Variants in TMEM74 observed in about 807,000 individuals in gnomAD.
TMEM74 encodes transmembrane protein 74.
A neutral mutation model predicts 18.1 loss-of-function variants in TMEM74; 13 were observed. The observed-to-expected ratio is 0.72, with a 90% CI of 0.47 to 1.14. The LOEUF is 1.14. Ranked by LOEUF, TMEM74 falls within the 50% of genes most tolerant of loss-of-function variation. The pLI is 0.00. For missense variants in TMEM74, 372 were observed against 375.9 expected, an observed-to-expected ratio of 0.99 and a Z score of 0.09; for synonymous variants, 159 against 146.6, an observed-to-expected ratio of 1.08 and a Z score of -0.61.
chr8:108,722,742 A>AT (rs72170216), intron 1 of TMEM74, among the ~76,000 whole-genome samples: 3,361 of 150,286 alleles, frequency 0.022, 133 homozygotes, highest in African/African-American at 0.077. Flanking sequence ...ACTAAGCTGT[A>AT]TTTTTTTTTT....
intron 1 of TMEM74, among the ~76,000 whole-genome samples, chr8:108,769,846 C>G (rs1255363674): frequency 6.6e-6 from 1 of 151,900 alleles, no homozygotes; most frequent in Non-Finnish European, 1.5e-5. Flanking sequence ...GTGTGAATTC[C>G]TTTCTGAGTT....
chr8:108,771,664 G>A (rs1171200156), intron 1 of TMEM74, among the ~76,000 whole-genome samples: 1 of 152,154 alleles, frequency 6.6e-6, no homozygotes, highest in Admixed American at 6.5e-5. Flanking sequence ...TATGTTTAGT[G>A]GTTGTACAGC....
downstream of TMEM74, among the ~76,000 whole-genome samples, chr8:108,776,869 T>C (rs1205969500): frequency 1.3e-5 from 2 of 152,078 alleles, no homozygotes; most frequent in East Asian, 3.9e-4. Context: ...AAAAATATTA[T>C]GTTTTATCAT....
intron 1 of TMEM74, among the ~76,000 whole-genome samples, chr8:108,772,057 C>A (rs1450909000): frequency 6.6e-6 from 1 of 151,722 alleles, no homozygotes; most frequent in Non-Finnish European, 1.5e-5. Context: ...TTTTTGATTC[C>A]TGGTTAGAGT....
At chr8:108,771,884 T>C (rs530104789) in intron 1 of TMEM74, among the ~76,000 whole-genome samples, 4 of 152,290 alleles carry the variant, frequency 2.6e-5, no homozygotes, top group East Asian at 1.9e-4. Flanking sequence ...TGTTAAGTTA[T>C]GTTCCAGTAA....
At chr8:108,709,464 G>T (rs886105085) in intron 1 of TMEM74, among the ~76,000 whole-genome samples, 1 of 152,120 alleles carries the variant, frequency 6.6e-6, no homozygotes, top group Non-Finnish European at 1.5e-5. Context: ...CTTACATGAG[G>T]TATCTAATAT....
intron 2 of TMEM74, among the ~76,000 whole-genome samples, chr8:108,621,446 C>T (rs560039829): frequency 3.3e-5 from 5 of 152,292 alleles, no homozygotes; most frequent in Admixed American, 6.5e-5. Context: ...TGAAAACGCC[C>T]TCGGGCAAGG....
At chr8:108,632,336 A>G (rs760071716) in intron 2 of TMEM74, among the ~76,000 whole-genome samples, 17 of 152,004 alleles carry the variant, frequency 1.1e-4, no homozygotes, top group Non-Finnish European at 2.4e-4. Flanking sequence ...AAAATTTGCT[A>G]AGTGGATAGC....
intron 1 of TMEM74, among the ~76,000 whole-genome samples, chr8:108,749,989 G>C (rs1813888538): frequency 6.6e-6 from 1 of 152,082 alleles, no homozygotes; most frequent in Non-Finnish European, 1.5e-5. Context: ...TTTCCAGCCT[G>C]TGCCACACCT....
At chr8:108,769,710 G>A (rs1814150033) in intron 1 of TMEM74, among the ~76,000 whole-genome samples, 1 of 151,944 alleles carries the variant, frequency 6.6e-6, no homozygotes, top group Admixed American at 6.6e-5. Context: ...CCTAGCCTGG[G>A]CTTCTCTCTC....
At chr8:108,617,532 A>G (rs1007041530) in intron 2 of TMEM74, among the ~76,000 whole-genome samples, 5 of 152,082 alleles carry the variant, frequency 3.3e-5, no homozygotes, top group African/African-American at 1.2e-4. Flanking sequence ...TCCTCCATTC[A>G]AACCTCATTT....
intron 1 of TMEM74, among the ~76,000 whole-genome samples, chr8:108,691,035 C>G (rs759283367): frequency 2.0e-5 from 3 of 152,130 alleles, no homozygotes; most frequent in Admixed American, 6.5e-5. Flanking sequence ...ATCTTTTAGT[C>G]CAAACAGACT....
chr8:108,680,896 T>C (rs1381730346), intron 1 of TMEM74, among the ~76,000 whole-genome samples: 3 of 152,204 alleles, frequency 2.0e-5, no homozygotes, highest in African/African-American at 7.2e-5. Flanking sequence ...AGCCAAATCA[T>C]GAGTGAACTC....
At chr8:108,737,005 C>T (rs982987112) in intron 1 of TMEM74, among the ~76,000 whole-genome samples, 5 of 152,014 alleles carry the variant, frequency 3.3e-5, no homozygotes, top group Non-Finnish European at 5.9e-5. Context: ...AAAAGACAAA[C>T]GTTTAACTTT....
intron 1 of TMEM74, among the ~76,000 whole-genome samples, chr8:108,741,299 T>A (rs1268599407): frequency 1.3e-5 from 2 of 152,178 alleles, no homozygotes; most frequent in African/African-American, 2.4e-5. Context: ...AAAGTAAGAT[T>A]CAAATTCTTA....
chr8:108,649,052 A>C (rs1350249822), intron 2 of TMEM74, among the ~76,000 whole-genome samples: 1 of 152,200 alleles, frequency 6.6e-6, no homozygotes, highest in Non-Finnish European at 1.5e-5. Flanking sequence ...GAGATTCCAA[A>C]TGAGGATTTC....
intron 1 of TMEM74, among the ~76,000 whole-genome samples, chr8:108,773,119 A>G (rs1404291902): frequency 7.9e-5 from 12 of 152,114 alleles, no homozygotes; most frequent in Admixed American, 7.9e-4. Flanking sequence ...TAGAACTGGA[A>G]GTTTTCCTCG....
chr8:108,784,468 C>T lies in TMEM74; in HGVS notation c.631G>A (p.Ala211Thr). The stretch of plus-strand genomic sequence containing the variant: ...TTCTCCAGGCGCTCCATCTCCCGGG[C>T]TGCCACAGTGTTGGGGTCCACAGTC... ...EVTVDPNTVAAREMERLEKES... is the reference protein window; with the variant it reads ...EVTVDPNTVATREMERLEKES... The change falls in exon 2 of 2, where the codon GCC (alanine) becomes ACC (threonine). Residue 211 changes from alanine to threonine, a missense_variant. Transcript: ENST00000297459. The T allele has an allele frequency of 6.2e-7, 1 of 1,614,212 alleles. No homozygotes were observed. The highest frequency in any genetic ancestry group is 8.5e-7 in the Non-Finnish European group (1 of 1,180,034).
In TMEM74 at chr8:108,779,541, A is replaced by G. The variant is rs1318010899; in HGVS notation, c.*4640T>C. On this transcript the variant is annotated 3_prime_UTR_variant, in exon 2 of 2. Transcript: ENST00000297459. ...AATTGAGAGGTTAAAAAACAAATTA[A>G]TAAATATTTGTGGGAGGCTGAACAA... Among the ~76,000 whole-genome samples, 1 of 152,208 alleles carries G rather than the reference A, an allele frequency of 6.6e-6. No individual in the cohort carries two copies. Among genetic ancestry groups the G allele is most frequent in the Non-Finnish European group, 1.5e-5 (1 of 68,024 alleles).
Sources: gnomAD v4.1 joint callset for allele counts (sites outside exome capture counted in the v4.1 genomes callset) on GRCh38, gnomAD v4.1.1 for gene constraint, MANE v1.5 for transcripts, NCBI Gene and HGNC (gene_info 2026-07-23, HGNC 2026-07-21) for gene names.